CDH18: variants seen among roughly 807,000 people sequenced by gnomAD.
CDH18 encodes the protein cadherin 18.
In CDH18, 31 loss-of-function variants were observed where a neutral mutation model predicts 67.9. That is an observed-to-expected ratio of 0.46 (90% CI 0.34 to 0.62). The LOEUF is 0.62. Among genes scored for constraint, CDH18 ranks in the 20% least tolerant of loss-of-function variants. The probability of loss-of-function intolerance (pLI) is 0.01; values close to 1 mark genes in which losing one functional copy is unlikely to be tolerated. For synonymous variants in CDH18, 362 were observed against 347.2 expected (o/e 1.04, Z -0.48); for missense variants, 890 against 975.5 (o/e 0.91, Z 1.17).
intron 5 of CDH18, among the ~76,000 whole-genome samples, chr5:19,626,518 G>T (rs1176539744): frequency 2.6e-5 from 4 of 151,950 alleles, no homozygotes; most frequent in East Asian, 3.9e-4. Flanking sequence ...TGGGATAGAG[G>T]TTAAGCAAGT....
rs1394580212 is a variant in CDH18, at chr5:19,839,192, T to TAGGG, written c.-207_-206insCCCT. The TAGGG allele has an allele frequency of 1.9e-6, 1 of 538,072 alleles. No individual in the cohort carries two copies. The highest frequency in any genetic ancestry group is 3.3e-6 in the Non-Finnish European group (1 of 300,878). The allele number at this position is 538,072 out of a possible 1,614,324, so 33.3% of individuals were successfully genotyped here. On this transcript the variant is annotated 5_prime_UTR_variant, in exon 3 of 13. Transcript: ENST00000382275. Reference sequence around the variant, plus strand: ...CCACTTGGAAAATCAAAGCCGTAGTTGTCTGATTCCAACTCTTCACAGTAG... The same window carrying TAGGG: ...CCACTTGGAAAATCAAAGCCGTAGTTAGGGGTCTGATTCCAACTCTTCACAGTAG...
Position 19,781,135 on chromosome 5 carries a change from A to G in CDH18, c.229-33899T>C, listed in dbSNP as rs116777013. On this transcript the variant is annotated intron_variant, in intron 3 of 12. Transcript: ENST00000382275. ...TTCACTAATATTTTTCACGATATTA[A>G]TTATGGCTAAATATAGGCCCATAGT... Among the ~76,000 whole-genome samples the G allele has an allele frequency of 9.5e-3, 1,454 of 152,284 alleles. 6 individuals carry two copies. The highest frequency in any genetic ancestry group is 0.016 in the African/African-American group (658 of 41,582).
intron 2 of CDH18, among the ~76,000 whole-genome samples, chr5:20,195,434 T>C (rs1439630793): frequency 6.6e-6 from 1 of 152,026 alleles, no homozygotes; most frequent in Non-Finnish European, 1.5e-5. Context: ...GTTCTTACAT[T>C]TACTTGCCTA....
chr5:20,495,497 C>A (rs1753851216), intron 1 of CDH18, among the ~76,000 whole-genome samples: 1 of 152,178 alleles, frequency 6.6e-6, no homozygotes, highest in Non-Finnish European at 1.5e-5. Flanking sequence ...CAACAAACCA[C>A]AACTGAAGTT....
At chr5:19,776,528 A>C (rs181199943) in intron 3 of CDH18, among the ~76,000 whole-genome samples, 1 of 152,194 alleles carries the variant, frequency 6.6e-6, no homozygotes, top group Non-Finnish European at 1.5e-5. Flanking sequence ...GAGAAAATAA[A>C]TTCATACAGG....
intron 2 of CDH18, among the ~76,000 whole-genome samples, chr5:19,903,562 T>C (rs1459125159): frequency 6.9e-6 from 1 of 145,374 alleles, no homozygotes; most frequent in African/African-American, 2.5e-5. Flanking sequence ...TATATATATA[T>C]ATATTTGTTG....
chr5:19,790,951 T>C (rs1372282453), intron 3 of CDH18, among the ~76,000 whole-genome samples: 1 of 152,068 alleles, frequency 6.6e-6, no homozygotes, highest in Non-Finnish European at 1.5e-5. Flanking sequence ...AGAACGATTC[T>C]CAGGTGTGTT....
intron 1 of CDH18, among the ~76,000 whole-genome samples, chr5:20,316,876 A>G (rs1283998442): frequency 6.6e-6 from 1 of 151,992 alleles, no homozygotes; most frequent in Non-Finnish European, 1.5e-5. Flanking sequence ...ATGATGTACC[A>G]TATGTTCATT....
intron 2 of CDH18, among the ~76,000 whole-genome samples, chr5:20,087,653 T>C (rs1205209957): frequency 6.6e-6 from 1 of 152,194 alleles, no homozygotes; most frequent in African/African-American, 2.4e-5. Context: ...TGAATGTTAG[T>C]ATATTTAGCA....
At chr5:19,627,401 T>G (rs982240691) in intron 5 of CDH18, among the ~76,000 whole-genome samples, 1 of 152,218 alleles carries the variant, frequency 6.6e-6, no homozygotes, top group African/African-American at 2.4e-5. Flanking sequence ...GAACAAAACT[T>G]ACTTGCCAAT....
At chr5:19,872,914 G>A (rs779569668) in intron 2 of CDH18, among the ~76,000 whole-genome samples, 3 of 152,124 alleles carry the variant, frequency 2.0e-5, no homozygotes, top group African/African-American at 7.2e-5. Flanking sequence ...GATCTTCTGA[G>A]TTCCAAAGAT....
chr5:19,805,921 A>T (rs1279140532), intron 3 of CDH18, among the ~76,000 whole-genome samples: 1 of 152,202 alleles, frequency 6.6e-6, no homozygotes, highest in Admixed American at 6.5e-5. Context: ...GGATTCCCAA[A>T]CACTTATGGA....
intron 2 of CDH18, among the ~76,000 whole-genome samples, chr5:20,172,234 A>ATATACGTATC (rs1736873326): frequency 7.9e-6 from 1 of 126,220 alleles, no homozygotes; most frequent in Non-Finnish European, 1.6e-5. Flanking sequence ...GTATATATAT[A>ATATACGTATC]TATATGTATA....
At chr5:19,707,157 G>A (rs1764073300) in intron 5 of CDH18, among the ~76,000 whole-genome samples, 1 of 151,776 alleles carries the variant, frequency 6.6e-6, no homozygotes, top group Non-Finnish European at 1.5e-5. Flanking sequence ...AGAGGTTTTG[G>A]GAGGATCCCA....
At position 19,687,951 on chromosome 5, in the gene CDH18, T is replaced by G. The variant is rs573417849; in HGVS notation, c.643+33396A>C. On this transcript the variant is annotated intron_variant, in intron 5 of 12. Coordinates refer to ENST00000382275, the MANE Select transcript of CDH18 (RefSeq NM_004934.5). ...ACAATCCCACCCAGCTTGGCACCAC[T>G]TGTGCAGTACCAAAACATACTGCCC... 3.3e-5 allele frequency among the ~76,000 whole-genome samples: 5 copies of G among 152,260 alleles called. No individual in the cohort carries two copies. In the South Asian group the frequency reaches 1.0e-3, roughly 32 times the overall value.
rs114808060 is a variant in CDH18, at chr5:20,564,168, C to T, written c.-580+11294G>A. On this transcript the variant is annotated intron_variant, in intron 1 of 14. Coordinates refer to the CDH18 transcript ENST00000507958. Reference sequence around the variant, plus strand: ...TTCCTGCTTCCTCATAACGACCTTACATTTCAGCCATGGTGAACAACATGC... The same window carrying T: ...TTCCTGCTTCCTCATAACGACCTTATATTTCAGCCATGGTGAACAACATGC... Among the ~76,000 whole-genome samples the T allele has an allele frequency of 7.1e-3, 1,081 of 152,162 alleles. 8 individuals are homozygous for T. The highest frequency in any genetic ancestry group is 0.011 in the Non-Finnish European group (761 of 67,992).
chr5:20,032,184 C>T (rs1243076742), intron 2 of CDH18, among the ~76,000 whole-genome samples: 1 of 151,492 alleles, frequency 6.6e-6, no homozygotes, highest in East Asian at 1.9e-4. Context: ...CATATAAACT[C>T]ATTATATATG....
chr5:20,548,111 G>T (rs2126611350), intron 1 of CDH18, among the ~76,000 whole-genome samples: 1 of 150,724 alleles, frequency 6.6e-6, no homozygotes, highest in East Asian at 1.9e-4. Context: ...TTTAAATTAG[G>T]TCACCAACTA....
chr5:20,240,173 GAAT>G (rs1274738234), intron 2 of CDH18, among the ~76,000 whole-genome samples: 1 of 151,452 alleles, frequency 6.6e-6, no homozygotes, highest in Non-Finnish European at 1.5e-5. Flanking sequence ...TAAAAAAAAA[GAAT>G]AATATGATTA....
Sources: allele counts gnomAD v4.1 joint callset (sites outside exome capture counted in the v4.1 genomes callset), GRCh38; gene constraint gnomAD v4.1.1; transcripts MANE v1.5; gene names NCBI Gene and HGNC (gene_info 2026-07-23, HGNC 2026-07-21).